Variants in GPCPD1 observed in about 807,000 individuals in gnomAD.
GPCPD1 encodes glycerophosphocholine phosphodiesterase 1.
GPCPD1 carries 29 observed loss-of-function variants against 89.2 expected under a neutral mutation model. The ratio of observed to expected loss-of-function variants is 0.33; its 90% confidence interval spans 0.24 to 0.44. GPCPD1 has a LOEUF of 0.44. Among genes scored for constraint, GPCPD1 ranks in the 20% least tolerant of loss-of-function variants. GPCPD1 has a pLI of 1.00. For synonymous variants in GPCPD1, 258 were observed against 266.3 expected, an observed-to-expected ratio of 0.97 and a Z score of 0.30; for missense variants, 594 against 808.9, an observed-to-expected ratio of 0.73 and a Z score of 3.22.
intron 13 of GPCPD1, 146 bp downstream of exon 13, chr20:5,567,337 C>A: frequency 1.0e-6 from 1 of 985,516 alleles, no homozygotes; most frequent in Non-Finnish European, 1.4e-6. Flanking sequence ...AACCCTTCTC[C>A]CAAACAGAAC....
intron 5 of GPCPD1, chr20:5,584,926 T>C (rs1978810655): frequency 6.6e-6 from 1 of 152,422 alleles, no homozygotes; most frequent in Non-Finnish European, 1.5e-5. Context: ...TTGAGTAAAA[T>C]ACAATTTATC....
rs778035333 is a variant in GPCPD1, at chr20:5,567,572, A to C, written c.1150-12T>G. The C allele has an allele frequency of 9.4e-5, 145 of 1,550,134 alleles. No individual in the cohort carries two copies. The highest frequency in any genetic ancestry group is 1.1e-4 in the Non-Finnish European group (127 of 1,155,314). On this transcript the variant is annotated splice_polypyrimidine_tract_variant and intron_variant, in intron 12 of 19. Transcript: ENST00000379019. ...TCAGCATCAAATTTCTAAAAAAAAA[A>C]AAAAAAGAAAGAAAGAAAAAGAAAG...
At position 5,575,841 on chromosome 20, in the gene GPCPD1, G is replaced by A. The variant is rs934054461; in HGVS notation, c.843C>T (p.Ser281=). 1.9e-5 allele frequency: 31 copies of A among 1,609,890 alleles called. No individual in the cohort carries two copies. Among genetic ancestry groups the A allele is most frequent in the Non-Finnish European group, 2.5e-5 (29 of 1,177,520 alleles). The stretch of plus-strand genomic sequence containing the variant: ...CTCTCACTTTGCCTATTGTTTTCCG[G>A]GAATTTCTGCTCATGATGGGAAGAG... The part of the protein sequence containing the change: ...ILTLPIMSRN[S]RKTIGKVRVD... Residue 281 remains serine (S), a synonymous_variant, in exon 9 of 20, where the codon TCC becomes TCT. Coordinates refer to ENST00000379019, the MANE Select transcript of GPCPD1 (RefSeq NM_019593.5).
rs557225107 is a variant in GPCPD1 at position 5,548,838 on chromosome 20, G to A, written c.1830-988C>T. The A allele has an allele frequency of 7.2e-5, 56 of 772,934 alleles. No individual in the cohort carries two copies. The East Asian group carries it at 2.0e-3, about 27-fold the overall frequency. 47.9% of individuals were successfully genotyped at this position (772,934 alleles called of 1,614,324 possible). On this transcript the variant is annotated intron_variant, in intron 19 of 19. Transcript: ENST00000379019. ...CAGGAGCAGATCGATGTAAGACGGC[G>A]GACTGTCAAACCAGAAACCACCCCT...
Position 5,561,469 on chromosome 20 carries a change from T to C in GPCPD1, c.1391A>G (p.Gln464Arg). 3.9e-6 allele frequency: 6 copies of C among 1,558,190 alleles called. No homozygotes were observed. The highest frequency in any genetic ancestry group is 5.3e-6 in the Non-Finnish European group (6 of 1,130,094). ...FNIEIKWICQQRDGMWDGNLS... is the reference protein window; with the variant it reads ...FNIEIKWICQRRDGMWDGNLS... ...GCTGCATAGAGAATTACTTACCCTT[T>C]GCTGGCAGATCCATTTTATTTCAAT... Residue 464 changes from glutamine (Q) to arginine (R), a missense_variant, in exon 16 of 20, where the codon CAA becomes CGA. Physicochemically the swap from Gln to Arg is conservative, Grantham distance 43. Coordinates refer to ENST00000379019, the MANE Select transcript of GPCPD1 (RefSeq NM_019593.5).
chr20:5,545,159 T>C lies in GPCPD1; in HGVS notation c.*2502A>G, dbSNP rs1215086362. On this transcript the variant is annotated 3_prime_UTR_variant, in exon 20 of 20. Coordinates refer to ENST00000379019, the MANE Select transcript of GPCPD1 (RefSeq NM_019593.5). ...ATTCACATCAATAAACCATCCTAAT[T>C]GTTAAAATGCAAACCAATTCAAAGT... 6.6e-6 allele frequency: 1 copy of C among 152,204 alleles called. No individual in the cohort carries two copies. The highest frequency in any genetic ancestry group is 1.5e-5 in the Non-Finnish European group (1 of 68,044). The allele number at this position is 152,204 out of a possible 1,614,324, so 9.4% of individuals were successfully genotyped here.
intron 1 of GPCPD1, among the ~76,000 whole-genome samples, chr20:5,610,023 C>CA (rs1045172453): frequency 6.6e-6 from 1 of 152,172 alleles, no homozygotes; most frequent in African/African-American, 2.4e-5. Flanking sequence ...ACATCCTGCT[C>CA]AGTTCCATCA....
At chr20:5,601,681 T>TAAC (rs143296908) in intron 2 of GPCPD1, among the ~76,000 whole-genome samples, 4,879 of 151,988 alleles carry the variant, frequency 0.032, 265 homozygotes, top group African/African-American at 0.11. Context: ...CCCTGTCTCT[T>TAAC]AACAACAAAA....
intron 19 of GPCPD1, among the ~76,000 whole-genome samples, chr20:5,555,356 T>C (rs1985696561): frequency 6.6e-6 from 1 of 151,956 alleles, no homozygotes. Flanking sequence ...TAGGCCAATA[T>C]GGTGAAACCC....
At chr20:5,601,183 T>C (rs6116863) in intron 2 of GPCPD1, among the ~76,000 whole-genome samples, 4,809 of 151,440 alleles carry the variant, frequency 0.032, 265 homozygotes, top group African/African-American at 0.11. Flanking sequence ...ACCCTGTCTG[T>C]ACAAAAAAAA....
chr20:5,576,139 G>A (rs1301600382), intron 8 of GPCPD1, among the ~76,000 whole-genome samples, 161 bp from the exon 9 acceptor site: 5 of 149,782 alleles, frequency 3.3e-5, no homozygotes, highest in South Asian at 2.1e-4. Context: ...CAGTATTTTC[G>A]GCCGGGGTCA....
Position 5,558,777 on chromosome 20 carries a change from A to G in GPCPD1, c.1575T>C (p.Thr525=), listed in dbSNP as rs1317502396. 6.3e-7 allele frequency: 1 copy of G among 1,581,802 alleles called. No individual in the cohort carries two copies. Residue 525 remains threonine, a synonymous_variant, in exon 18 of 20, where the codon ACT becomes ACC. Transcript: ENST00000379019. ...CAGGATAAATCTCAGATTTTCCTTGAGTTAAAAATAGTATCGGATATTTGT... is the reference window on the plus strand; with the variant it reads ...CAGGATAAATCTCAGATTTTCCTTGGGTTAAAAATAGTATCGGATATTTGT... The part of the protein sequence containing the change: ...KQNKYPILFL[T]QGKSEIYPEL...
Position 5,573,082 on chromosome 20 carries a change from CCTT to C in GPCPD1, c.1056+830_1056+832del, listed in dbSNP as rs1986811008. ...TACATAAAATCACCATCAAATCTTT[CCTT>C]CTTTTTTTTTTTTTGAGACTGAGTC... On this transcript the variant is annotated intron_variant, in intron 11 of 19. Coordinates refer to ENST00000379019, the MANE Select transcript of GPCPD1 (RefSeq NM_019593.5). Among the ~76,000 whole-genome samples, 3 of 127,594 alleles carry C rather than the reference CCTT, an allele frequency of 2.4e-5. No individual in the cohort carries two copies. In the South Asian group the frequency reaches 7.2e-4, roughly 31 times the overall value. 83.7% of individuals were successfully genotyped at this position (127,594 alleles called of 152,430 possible).
At position 5,581,814 on chromosome 20, in the gene GPCPD1, C is replaced by CTTTT. The variant is rs11479995; in HGVS notation, c.350-1687_350-1684dup. ...ATGCTTAATAATTGTGGGACTTTAA[C>CTTTT]TTTTTTTTTTTTTTTTTTTTTTTTT... On this transcript the variant is annotated intron_variant, in intron 6 of 19. Coordinates refer to ENST00000379019, the MANE Select transcript of GPCPD1 (RefSeq NM_019593.5). Among the ~76,000 whole-genome samples the CTTTT allele has an allele frequency of 4.5e-3, 340 of 74,984 alleles. 25 individuals carry two copies. Among genetic ancestry groups the CTTTT allele is most frequent in the East Asian group, 0.018 (35 of 1,982 alleles). The allele number at this position is 74,984 out of a possible 152,430, so 49.2% of individuals were successfully genotyped here. A position where few individuals can be genotyped will look rare whatever the true frequency, so the allele number is the denominator to read the frequency against.
At chr20:5,603,275 A>T (rs1416892768) in intron 2 of GPCPD1, among the ~76,000 whole-genome samples, 1 of 152,170 alleles carries the variant, frequency 6.6e-6, no homozygotes, top group Admixed American at 6.6e-5. Context: ...CCTGGGCGAC[A>T]GAGCAACACT....
intron 2 of GPCPD1, among the ~76,000 whole-genome samples, chr20:5,602,627 GC>G (rs1980242522): frequency 6.6e-6 from 1 of 152,184 alleles, no homozygotes; most frequent in South Asian, 2.1e-4. Context: ...GATATACTAT[GC>G]CCCTGCTCTG....
Position 5,547,714 on chromosome 20 carries a change from C to T in GPCPD1, c.1966G>A (p.Glu656Lys). The change falls in exon 20 of 20, where the codon GAG becomes AAG. Residue 656 changes from glutamate to lysine, a missense_variant. Physicochemically the swap from Glu to Lys is moderately conservative, Grantham distance 56. Coordinates refer to ENST00000379019, the MANE Select transcript of GPCPD1 (RefSeq NM_019593.5). ...TTGGCATCCACATGGATATCAGACT[C>T]CCCACACAAAGATGAGGGAACAAAG... ...SRFVPSSLCGESDIHVDANGI... is the reference protein window; with the variant it reads ...SRFVPSSLCGKSDIHVDANGI... The T allele has an allele frequency of 1.9e-6, 3 of 1,610,374 alleles. No homozygotes were observed. Among genetic ancestry groups the T allele is most frequent in the Non-Finnish European group, 2.5e-6 (3 of 1,176,888 alleles).
intron 2 of GPCPD1, among the ~76,000 whole-genome samples, chr20:5,602,965 A>G (rs1446004498): frequency 1.3e-5 from 2 of 148,980 alleles, no homozygotes; most frequent in East Asian, 3.9e-4. Context: ...CCTAGGCAAC[A>G]GAGTGAGACT....
intron 4 of GPCPD1, among the ~76,000 whole-genome samples, chr20:5,590,098 G>C (rs1355558935): frequency 1.3e-5 from 2 of 151,822 alleles, no homozygotes; most frequent in Admixed American, 6.5e-5. Context: ...CCAATATGTA[G>C]ATTGGAAGTT....
Sources: allele counts gnomAD v4.1 joint callset (sites outside exome capture counted in the v4.1 genomes callset), GRCh38; gene constraint gnomAD v4.1.1; transcripts MANE v1.5; gene names NCBI Gene and HGNC (gene_info 2026-07-23, HGNC 2026-07-21).